DCDC1: variants seen among roughly 807,000 people sequenced by gnomAD.
DCDC1 encodes the protein doublecortin domain containing 1, also known as doublecortin domain-containing protein 1.
A neutral mutation model predicts 178.3 loss-of-function variants in DCDC1; 200 were observed. The ratio of observed to expected loss-of-function variants is 1.12; its 90% CI spans 1.00 to 1.26. DCDC1 has a LOEUF of 1.26. Among genes scored for constraint, DCDC1 ranks in the 50% most tolerant of loss-of-function variants. DCDC1 has a pLI of 0.00. For missense variants in DCDC1, 1,983 were observed against 1,749.2 expected (o/e 1.13, Z -2.38); for synonymous variants, 690 against 604.8 (o/e 1.14, Z -2.07).
chr11:31,172,100 T>C (rs1344156721), intron 9 of DCDC1, among the ~76,000 whole-genome samples: 1 of 152,166 alleles, frequency 6.6e-6, no homozygotes, highest in Non-Finnish European at 1.5e-5. Context: ...ATGTTACAGG[T>C]ATAAAATAGC....
chr11:31,341,564 T>C (rs902604877), intron 1 of DCDC1, among the ~76,000 whole-genome samples: 2 of 152,126 alleles, frequency 1.3e-5, no homozygotes, highest in Non-Finnish European at 2.9e-5. Flanking sequence ...GCCTCTATAG[T>C]ATAGCTGATT....
intron 12 of DCDC1, 86 bp from the exon 13 acceptor site, chr11:31,107,046 G>A (rs1958897179): frequency 1.6e-6 from 1 of 629,956 alleles, no homozygotes; most frequent in African/African-American, 1.8e-5. Context: ...TCTCTACTCT[G>A]TAACAAATGA....
intron 9 of DCDC1, among the ~76,000 whole-genome samples, chr11:31,183,731 G>C (rs755995234): frequency 6.6e-6 from 1 of 152,096 alleles, no homozygotes; most frequent in East Asian, 1.9e-4. Flanking sequence ...GGATATGAAG[G>C]ACCTCTTCAA....
At chr11:31,027,382 C>A (rs1953312832) in intron 20 of DCDC1, among the ~76,000 whole-genome samples, 2 of 151,830 alleles carry the variant, frequency 1.3e-5, no homozygotes, top group South Asian at 4.2e-4. Flanking sequence ...TACATATCCC[C>A]AAAGAACACT....
At chr11:30,972,762 C>G (rs535667892) in intron 20 of DCDC1, among the ~76,000 whole-genome samples, 1 of 152,166 alleles carries the variant, frequency 6.6e-6, no homozygotes, top group South Asian at 2.1e-4. Context: ...ACAGACAAGC[C>G]AAATGGATTA....
intron 20 of DCDC1, among the ~76,000 whole-genome samples, chr11:31,010,252 A>G (rs1464235129): frequency 6.6e-6 from 1 of 152,224 alleles, no homozygotes; most frequent in African/African-American, 2.4e-5. Flanking sequence ...AGTGTTTCAC[A>G]AGGCAGCAAT....
intron 4 of DCDC1, chr11:31,307,383 C>A: frequency 2.1e-6 from 1 of 470,236 alleles, no homozygotes; most frequent in Non-Finnish European, 3.7e-6. Flanking sequence ...ATTTCATGAT[C>A]CTAGCCTGAT....
At chr11:31,024,784 A>T (rs1953115429) in intron 20 of DCDC1, among the ~76,000 whole-genome samples, 1 of 151,940 alleles carries the variant, frequency 6.6e-6, no homozygotes, top group African/African-American at 2.4e-5. Context: ...TAGCATAAGC[A>T]AGTTCCCATA....
intron 3 of DCDC1, among the ~76,000 whole-genome samples, chr11:31,321,835 AAGAG>A (rs1272177089): frequency 1.8e-4 from 27 of 152,346 alleles, no homozygotes; most frequent in African/African-American, 6.5e-4. Flanking sequence ...TGTCAGGTGA[AAGAG>A]AGAACTATTA....
intron 9 of DCDC1, among the ~76,000 whole-genome samples, chr11:31,216,764 G>A (rs936208461): frequency 7.9e-5 from 12 of 152,100 alleles, no homozygotes; most frequent in African/African-American, 2.9e-4. Context: ...GAGATGGTCT[G>A]TGGCCTTCAA....
chr11:31,151,890 G>C (rs898800915), intron 9 of DCDC1, among the ~76,000 whole-genome samples: 2 of 147,788 alleles, frequency 1.4e-5, no homozygotes, highest in Non-Finnish European at 2.9e-5. Context: ...AAGTTTTAGT[G>C]ATCTATTGCA....
chr11:30,930,975 G>A (rs997635597), intron 22 of DCDC1, among the ~76,000 whole-genome samples: 2 of 152,050 alleles, frequency 1.3e-5, no homozygotes, highest in Non-Finnish European at 2.9e-5. Context: ...ATTGTTCAGC[G>A]ATGTATGAAG....
At chr11:30,974,869 T>C (rs1950015921) in intron 20 of DCDC1, among the ~76,000 whole-genome samples, 1 of 152,154 alleles carries the variant, frequency 6.6e-6, no homozygotes, top group Non-Finnish European at 1.5e-5. Flanking sequence ...TAGCTCATTC[T>C]ATAAGGCCAG....
At chr11:31,310,247 T>C (rs182724203) in intron 3 of DCDC1, among the ~76,000 whole-genome samples, 28 of 151,746 alleles carry the variant, frequency 1.8e-4, no homozygotes, top group Middle Eastern at 3.4e-3. Flanking sequence ...TGGTCCACTA[T>C]GAATAGTCTT....
intron 11 of DCDC1, among the ~76,000 whole-genome samples, chr11:31,119,026 AGAG>A: frequency 6.6e-6 from 1 of 152,260 alleles, no homozygotes; most frequent in Non-Finnish European, 1.5e-5. Context: ...AAATCCACAA[AGAG>A]GAGGAGGAGT....
At chr11:30,997,488 T>A (rs1354363231) in intron 20 of DCDC1, among the ~76,000 whole-genome samples, 1 of 152,074 alleles carries the variant, frequency 6.6e-6, no homozygotes, top group Non-Finnish European at 1.5e-5. Flanking sequence ...AAACAAGTAT[T>A]TTGTCTAGAT....
chr11:31,063,305 G>T (rs2135478368), intron 20 of DCDC1, among the ~76,000 whole-genome samples: 1 of 152,112 alleles, frequency 6.6e-6, no homozygotes, highest in Non-Finnish European at 1.5e-5. Context: ...ATTCCTCAGG[G>T]ATCTAGAACT....
chr11:31,180,271 A>T (rs1328457883), intron 9 of DCDC1, among the ~76,000 whole-genome samples: 1 of 152,242 alleles, frequency 6.6e-6, no homozygotes, highest in Non-Finnish European at 1.5e-5. Flanking sequence ...ATTACAAAAT[A>T]GCTAGAAGAC....
chr11:31,072,006 G>C lies in DCDC1; in HGVS notation c.2298+5859C>G, dbSNP rs1590947679. Among the ~76,000 whole-genome samples, 5 of 152,308 alleles carry C rather than the reference G, an allele frequency of 3.3e-5. No individual in the cohort carries two copies. The South Asian group carries it at 1.0e-3, about 32-fold the overall frequency. On this transcript the variant is annotated intron_variant, in intron 18 of 38. Coordinates refer to ENST00000684477, the MANE Select transcript of DCDC1 (RefSeq NM_001387274.1). ...AACTATGAAATAATAAGTATTTGCTGTTTTAAGTTACTATGCTTTGAAGTA... is the reference window on the plus strand; with the variant it reads ...AACTATGAAATAATAAGTATTTGCTCTTTTAAGTTACTATGCTTTGAAGTA...
Sources: allele counts gnomAD v4.1 joint callset (sites outside exome capture counted in the v4.1 genomes callset), GRCh38; gene constraint gnomAD v4.1.1; transcripts MANE v1.5; gene names NCBI Gene and HGNC (gene_info 2026-07-23, HGNC 2026-07-21).